Variants in LRRC8D observed in about 807,000 individuals in gnomAD.
LRRC8D encodes volume-regulated anion channel subunit LRRC8D.
LRRC8D carries 20 observed loss-of-function variants against 55.8 expected under a neutral mutation model. That is an observed-to-expected ratio of 0.36 (90% CI 0.25 to 0.52). LRRC8D has a LOEUF of 0.52. LRRC8D is among the 20% of genes least tolerant of loss of function. The pLI, the probability that LRRC8D is intolerant of heterozygous loss-of-function variation, is 0.93. For synonymous variants in LRRC8D, 352 were observed against 377.0 expected, an observed-to-expected ratio of 0.93 and a Z score of 0.77; for missense variants, 651 against 1,030.8, an observed-to-expected ratio of 0.63 and a Z score of 5.05.
At chr1:89,895,551 G>A (rs528656068) in intron 2 of LRRC8D, among the ~76,000 whole-genome samples, 1 of 150,328 alleles carries the variant, frequency 6.7e-6, no homozygotes, top group South Asian at 2.1e-4. Context: ...AAGATGTACT[G>A]TTTGTTTTTT....
intron 1 of LRRC8D, among the ~76,000 whole-genome samples, chr1:89,823,384 T>C (rs556198984): frequency 6.6e-6 from 1 of 152,360 alleles, no homozygotes; most frequent in African/African-American, 2.4e-5. Flanking sequence ...CCCTTTTCCC[T>C]TAATTTTTAT....
chr1:89,918,338 C>G (rs1212929931), intron 2 of LRRC8D, among the ~76,000 whole-genome samples: 1 of 152,234 alleles, frequency 6.6e-6, no homozygotes, highest in East Asian at 1.9e-4. Context: ...ACTTGCTCAA[C>G]ACTTGCACAT....
chr1:89,839,285 G>A (rs866646150), intron 1 of LRRC8D, among the ~76,000 whole-genome samples: 1 of 152,296 alleles, frequency 6.6e-6, no homozygotes, highest in Middle Eastern at 3.4e-3. Context: ...TAGTAATTTT[G>A]TGCAAGGTGT....
intron 2 of LRRC8D, among the ~76,000 whole-genome samples, chr1:89,892,942 G>A (rs890216070): frequency 2.6e-5 from 4 of 152,154 alleles, no homozygotes; most frequent in Admixed American, 1.3e-4. Flanking sequence ...TCAGCTTTCA[G>A]TTGACATGTG....
At chr1:89,823,576 T>G (rs761415215) in intron 1 of LRRC8D, among the ~76,000 whole-genome samples, 4 of 152,186 alleles carry the variant, frequency 2.6e-5, no homozygotes, top group Non-Finnish European at 4.4e-5. Flanking sequence ...GATTATTATG[T>G]TGTTGAAGTG....
At chr1:89,837,640 T>A (rs1044369908) in intron 1 of LRRC8D, among the ~76,000 whole-genome samples, 4 of 152,256 alleles carry the variant, frequency 2.6e-5, no homozygotes, top group African/African-American at 9.6e-5. Flanking sequence ...ATAGGGTTGT[T>A]GTCAGGAATC....
At chr1:89,907,294 C>A (rs559816152) in intron 2 of LRRC8D, among the ~76,000 whole-genome samples, 4 of 146,608 alleles carry the variant, frequency 2.7e-5, no homozygotes, top group African/African-American at 7.5e-5. Context: ...CGGGTTCAGG[C>A]GATTCTCCTG....
At chr1:89,873,347 T>C (rs1662068946) in intron 2 of LRRC8D, among the ~76,000 whole-genome samples, 1 of 152,248 alleles carries the variant, frequency 6.6e-6, no homozygotes, top group East Asian at 1.9e-4. Flanking sequence ...ATTGCATATA[T>C]ACACTTTTTA....
intron 2 of LRRC8D, among the ~76,000 whole-genome samples, chr1:89,869,969 A>T (rs371738361): frequency 1.3e-5 from 2 of 151,686 alleles, no homozygotes; most frequent in East Asian, 3.9e-4. Flanking sequence ...TTAGCTGGCC[A>T]TGATGGTGCA....
At chr1:89,882,785 G>A (rs967452227) in intron 2 of LRRC8D, among the ~76,000 whole-genome samples, 1 of 152,192 alleles carries the variant, frequency 6.6e-6, no homozygotes, top group African/African-American at 2.4e-5. Context: ...TTTAGAAAGT[G>A]TGACATTTGA....
At chr1:89,931,303 C>T (rs894829593) in intron 2 of LRRC8D, among the ~76,000 whole-genome samples, 2 of 138,580 alleles carry the variant, frequency 1.4e-5, no homozygotes, top group Admixed American at 1.4e-4. Context: ...CCTTCAGAAA[C>T]TTAATTTAAA....
chr1:89,908,302 C>A (rs184453322), intron 2 of LRRC8D, among the ~76,000 whole-genome samples: 65 of 152,290 alleles, frequency 4.3e-4, no homozygotes, highest in African/African-American at 1.6e-3. Flanking sequence ...TCTCGTTACA[C>A]CTCTGTGAAA....
chr1:89,900,584 G>C (rs975433300), intron 2 of LRRC8D, among the ~76,000 whole-genome samples: 1 of 152,122 alleles, frequency 6.6e-6, no homozygotes, highest in Admixed American at 6.5e-5. Context: ...CACTTGAGGT[G>C]AACATCGAAG....
At chr1:89,841,488 G>T (rs1202477733) in intron 1 of LRRC8D, among the ~76,000 whole-genome samples, 1 of 151,696 alleles carries the variant, frequency 6.6e-6, no homozygotes, top group African/African-American at 2.4e-5. Context: ...CTACTGACAG[G>T]TGATTGTGAA....
intron 2 of LRRC8D, among the ~76,000 whole-genome samples, chr1:89,866,974 A>T (rs570126171): frequency 7.2e-5 from 11 of 152,344 alleles, no homozygotes; most frequent in African/African-American, 2.4e-4. Context: ...TCAGGGTAGC[A>T]AGTCACTTAG....
intron 1 of LRRC8D, among the ~76,000 whole-genome samples, chr1:89,830,538 A>C (rs1305398129): frequency 1.3e-5 from 2 of 152,204 alleles, no homozygotes; most frequent in African/African-American, 4.8e-5. Flanking sequence ...TACTAGCAGT[A>C]GCCTGGGGGT....
chr1:89,867,329 C>T (rs1399864307), intron 2 of LRRC8D, among the ~76,000 whole-genome samples: 3 of 152,216 alleles, frequency 2.0e-5, no homozygotes, highest in South Asian at 4.1e-4. Context: ...AGCTACACTG[C>T]AGCATGTGTC....
At chr1:89,855,341 GA>G (rs2100777864) in intron 2 of LRRC8D, among the ~76,000 whole-genome samples, 1 of 152,284 alleles carries the variant, frequency 6.6e-6, no homozygotes, top group African/African-American at 2.4e-5. Context: ...CCCCTTTTAA[GA>G]ACAGGGATAA....
chr1:89,894,195 C>T (rs1275056791), intron 2 of LRRC8D, among the ~76,000 whole-genome samples: 1 of 152,156 alleles, frequency 6.6e-6, no homozygotes, highest in Non-Finnish European at 1.5e-5. Context: ...GGAAGAAGGC[C>T]CTCACCAAAC....
Sources: gnomAD v4.1 joint callset for allele counts (sites outside exome capture counted in the v4.1 genomes callset) on GRCh38, gnomAD v4.1.1 for gene constraint, MANE v1.5 for transcripts, NCBI Gene and HGNC (gene_info 2026-07-23, HGNC 2026-07-21) for gene names.